Variants in PTBP3 observed in about 807,000 individuals in gnomAD.
PTBP3 encodes polypyrimidine tract binding protein 3.
In PTBP3, 20 loss-of-function variants were observed where a neutral mutation model predicts 58.7. The observed-to-expected ratio is 0.34, with a 90% CI of 0.24 to 0.50. The LOEUF (loss-of-function observed/expected upper bound fraction) is 0.50. Ranked by LOEUF, PTBP3 falls within the 20% of genes least tolerant of loss-of-function variation. PTBP3 has a pLI of 0.98. For missense variants in PTBP3, 509 were observed against 637.2 expected, an observed-to-expected ratio of 0.80 and a Z score of 2.17; for synonymous variants, 185 against 219.8, an observed-to-expected ratio of 0.84 and a Z score of 1.40.
chr9:112,269,195 T>TAAAAA (rs1827259124), intron 3 of PTBP3, among the ~76,000 whole-genome samples: 1 of 39,116 alleles, frequency 2.6e-5, no homozygotes. Context: ...AAACTCTGTC[T>TAAAAA]CAAAAAAAAA....
intron 3 of PTBP3, among the ~76,000 whole-genome samples, chr9:112,269,818 C>T (rs988423233): frequency 5.3e-5 from 8 of 152,038 alleles, no homozygotes; most frequent in Non-Finnish European, 7.4e-5. Flanking sequence ...ATAAATCTTT[C>T]GCCTTCTACT....
intron 2 of PTBP3, among the ~76,000 whole-genome samples, chr9:112,296,719 C>G (rs972152740): frequency 1.3e-5 from 2 of 152,160 alleles, no homozygotes; most frequent in Non-Finnish European, 2.9e-5. Context: ...GAAACTCAAA[C>G]TCAATATATA....
At position 112,223,996 on chromosome 9, in the gene PTBP3, T is replaced by G. The variant is rs1834891125; in HGVS notation, c.1443-13A>C. On this transcript the variant is annotated splice_polypyrimidine_tract_variant and intron_variant, in intron 13 of 13. Coordinates refer to ENST00000374257, the MANE Select transcript of PTBP3 (RefSeq NM_001163788.4). ...TTTGCGATCTTTCCTGAAAATGGTA[T>G]AAGAAATACAGAAAGTATTTAGAAT... The G allele has an allele frequency of 1.2e-6, 2 of 1,608,108 alleles. No homozygotes were observed. The highest frequency in any genetic ancestry group is 1.7e-6 in the Non-Finnish European group (2 of 1,176,798).
intron 1 of PTBP3, among the ~76,000 whole-genome samples, chr9:112,333,246 C>T (rs757094647): frequency 3.3e-5 from 5 of 152,118 alleles, no homozygotes; most frequent in Non-Finnish European, 5.9e-5. Flanking sequence ...CGGACGTGTC[C>T]GGGGCGCCGC....
rs574647230 is a variant in PTBP3 at position 112,263,799 on chromosome 9, T to C, written c.352-1200A>G. 2.6e-5 allele frequency among the ~76,000 whole-genome samples: 4 copies of C among 152,166 alleles called. No homozygotes were observed. In the South Asian group the frequency reaches 6.2e-4, roughly 24 times the overall value. ...GTTGATAGAAGAATGTTCTTGTTTG[T>C]AGGAAATGCAGGCTAAAAATATTGG... On this transcript the variant is annotated intron_variant, in intron 4 of 13. Coordinates refer to ENST00000374257, the MANE Select transcript of PTBP3 (RefSeq NM_001163788.4).
Position 112,223,817 on chromosome 9 carries a change from T to C in PTBP3, c.*34A>G, listed in dbSNP as rs1443234310. On this transcript the variant is annotated 3_prime_UTR_variant, in exon 14 of 14. Coordinates refer to ENST00000374257, the MANE Select transcript of PTBP3 (RefSeq NM_001163788.4). ...ATGTCTGAAGGTTTTACTGAAATTA[T>C]GGTCCAGTTTTAGGAGAAAAATTCA... 1.4e-5 allele frequency: 23 copies of C among 1,613,026 alleles called. No homozygotes were observed. Among genetic ancestry groups the C allele is most frequent in the Non-Finnish European group, 1.8e-5 (21 of 1,179,576 alleles).
the PTBP3 span, among the ~76,000 whole-genome samples, chr9:112,355,033 C>G: frequency 6.6e-6 from 1 of 152,220 alleles, no homozygotes; most frequent in Admixed American, 6.5e-5. Context: ...TACTGGGCAC[C>G]AGGAGGAATT....
At chr9:112,275,702 C>G (rs567363535) in intron 3 of PTBP3, 142 bp downstream of exon 3, 2 of 681,916 alleles carry the variant, frequency 2.9e-6, no homozygotes, top group Non-Finnish European at 4.5e-6. Context: ...TTACACCCCC[C>G]CAAAAAAATC....
At chr9:112,341,176 G>A in the PTBP3 span, among the ~76,000 whole-genome samples, 564 of 152,224 alleles carry the variant, frequency 3.7e-3, 4 homozygotes, top group Non-Finnish European at 6.1e-3. Context: ...AAGTCGCCCA[G>A]ACTAGAGTGC....
At chr9:112,363,476 C>CA in the PTBP3 span, among the ~76,000 whole-genome samples, 1 of 151,618 alleles carries the variant, frequency 6.6e-6, no homozygotes, top group Non-Finnish European at 1.5e-5. Context: ...CCAAGATCCA[C>CA]ACACCAATGC....
At chr9:112,332,714 C>T in intron 1 of PTBP3, 6 of 1,570,196 alleles carry the variant, frequency 3.8e-6, no homozygotes, top group Non-Finnish European at 4.3e-6. Context: ...ATTTTGGTCA[C>T]GGACCCCCAT....
intron 10 of PTBP3, among the ~76,000 whole-genome samples, chr9:112,230,068 T>A (rs1835142014): frequency 6.6e-6 from 1 of 152,166 alleles, no homozygotes; most frequent in African/African-American, 2.4e-5. Context: ...TGGACTGTGG[T>A]GATGGCCACA....
chr9:112,303,606 C>T (rs1822545289), intron 1 of PTBP3, among the ~76,000 whole-genome samples: 1 of 152,214 alleles, frequency 6.6e-6, no homozygotes, highest in African/African-American at 2.4e-5. Flanking sequence ...TGGCTCACGC[C>T]TGTAATCCCA....
chr9:112,351,587 C>T, the PTBP3 span, among the ~76,000 whole-genome samples: 11 of 152,174 alleles, frequency 7.2e-5, no homozygotes, highest in African/African-American at 2.7e-4. Flanking sequence ...CTTGAGTAAG[C>T]AGTGTTTACA....
chr9:112,379,018 C>T, the PTBP3 span, among the ~76,000 whole-genome samples: 1 of 152,194 alleles, frequency 6.6e-6, no homozygotes, highest in Non-Finnish European at 1.5e-5. Flanking sequence ...GAAACCCCGT[C>T]TCTACTAAAA....
intron 1 of PTBP3, among the ~76,000 whole-genome samples, chr9:112,314,345 T>C (rs982187840): frequency 1.3e-5 from 2 of 152,190 alleles, no homozygotes; most frequent in Admixed American, 1.3e-4. Flanking sequence ...CATCAAGATA[T>C]AACACTCCTA....
chr9:112,374,553 G>A, the PTBP3 span, among the ~76,000 whole-genome samples: 5 of 152,176 alleles, frequency 3.3e-5, no homozygotes, highest in South Asian at 1.0e-3. Flanking sequence ...CACCTAGTTG[G>A]TGTTGTAATT....
intron 1 of PTBP3, 127 bp downstream of exon 1, chr9:112,333,343 G>A (rs1033208465): frequency 6.9e-6 from 8 of 1,159,326 alleles, no homozygotes; most frequent in East Asian, 3.3e-5. Flanking sequence ...CGTCGGGCTT[G>A]GCCGGGGCCG....
chr9:112,340,456 A>G, the PTBP3 span, among the ~76,000 whole-genome samples: 1 of 152,130 alleles, frequency 6.6e-6, no homozygotes, highest in African/African-American at 2.4e-5. Context: ...AGATTTCTGC[A>G]GTATTAGTTT....
Sources: allele counts gnomAD v4.1 joint callset (sites outside exome capture counted in the v4.1 genomes callset), GRCh38; gene constraint gnomAD v4.1.1; transcripts MANE v1.5; gene names NCBI Gene and HGNC (gene_info 2026-07-23, HGNC 2026-07-21).